BIRC6: variants seen among roughly 807,000 people sequenced by gnomAD.
BIRC6 encodes the protein dual E2 ubiquitin-conjugating enzyme/E3 ubiquitin-protein ligase BIRC6.
BIRC6 carries 98 observed loss-of-function variants against 503.3 expected under a neutral mutation model. The ratio of observed to expected loss-of-function variants is 0.19; its 90% CI spans 0.17 to 0.23. The LOEUF is 0.23. Ranked by LOEUF, BIRC6 falls within the 10% of genes least tolerant of loss-of-function variation. BIRC6 has a pLI of 1.00. For missense variants in BIRC6, 5,360 were observed against 5,806.0 expected, an observed-to-expected ratio of 0.92 and a Z score of 2.50; for synonymous variants, 2,240 against 2,078.7, an observed-to-expected ratio of 1.08 and a Z score of -2.11.
chr2:32,538,748 T>G (rs1273216518), intron 61 of BIRC6, among the ~76,000 whole-genome samples: 7 of 152,186 alleles, frequency 4.6e-5, no homozygotes, highest in Admixed American at 6.5e-5. Flanking sequence ...CTGGCCAACA[T>G]GGTGAAACCC....
At chr2:32,436,594 T>G (rs2044732260) in intron 15 of BIRC6, among the ~76,000 whole-genome samples, 1 of 152,198 alleles carries the variant, frequency 6.6e-6, no homozygotes, top group Non-Finnish European at 1.5e-5. Context: ...TTGTTTTTGT[T>G]TTTTTGAGAC....
intron 60 of BIRC6, among the ~76,000 whole-genome samples, chr2:32,530,322 T>C (rs1381361315): frequency 1.3e-5 from 2 of 152,180 alleles, no homozygotes; most frequent in Non-Finnish European, 2.9e-5. Context: ...GTGATTTTCC[T>C]GCCTCAGCCT....
chr2:32,611,108 C>CTTTTTTTTTTTTTTTTTTTTTTTTT (rs1245765148), intron 72 of BIRC6, among the ~76,000 whole-genome samples: 11 of 126,158 alleles, frequency 8.7e-5, no homozygotes, highest in Admixed American at 5.8e-4. Context: ...ATTAAATTGC[C>CTTTTTTTTTTTTTTTTTTTTTTTTT]TTTTTTTTTT....
intron 45 of BIRC6, among the ~76,000 whole-genome samples, chr2:32,496,978 T>C (rs2052556989): frequency 6.6e-6 from 1 of 152,218 alleles, no homozygotes; most frequent in Non-Finnish European, 1.5e-5. Context: ...TGAAACATTG[T>C]CTTTCATAAT....
intron 44 of BIRC6, among the ~76,000 whole-genome samples, chr2:32,492,956 C>T (rs1193498049): frequency 4.0e-5 from 6 of 150,040 alleles, no homozygotes; most frequent in African/African-American, 1.2e-4. Flanking sequence ...ACTTCTACCT[C>T]AGGTTACTTA....
intron 23 of BIRC6, among the ~76,000 whole-genome samples, chr2:32,459,143 T>C (rs2047559496): frequency 6.6e-6 from 1 of 152,214 alleles, no homozygotes; most frequent in Non-Finnish European, 1.5e-5. Context: ...TATCTAATTC[T>C]AGAACATTTC....
chr2:32,613,813 T>C (rs543911309), intron 73 of BIRC6, among the ~76,000 whole-genome samples: 129 of 152,340 alleles, frequency 8.5e-4, no homozygotes, highest in African/African-American at 3.0e-3. Context: ...TCTTAATTCT[T>C]TCAGTGTGTT....
In BIRC6 at chr2:32,529,681, C is replaced by A; in HGVS notation, c.11951C>A (p.Ala3984Asp). 1 of 1,602,676 alleles carries A rather than the reference C, an allele frequency of 6.2e-7. No individual in the cohort carries two copies. The highest frequency in any genetic ancestry group is 8.5e-7 in the Non-Finnish European group (1 of 1,175,330). Residue 3984 changes from alanine to aspartate, a missense_variant, in exon 60 of 74, where the codon GCC becomes GAC. Coordinates refer to ENST00000421745, the MANE Select transcript of BIRC6 (RefSeq NM_016252.4). ...CCATTGCCAGCTGAAATGACACTTG[C>A]CCAGCTTTTAACTCTCCTATATGAC... ...GQPLPAEMTL[A>D]QLLTLLYDRK...
At chr2:32,533,573 A>T (rs181093645) in intron 61 of BIRC6, among the ~76,000 whole-genome samples, 41 of 152,330 alleles carry the variant, frequency 2.7e-4, no homozygotes, top group Middle Eastern at 6.8e-3. Context: ...GAGGCTGGAC[A>T]ACCTTTTGCT....
chr2:32,374,689 G>A (rs1227236140), intron 1 of BIRC6, among the ~76,000 whole-genome samples: 2 of 151,862 alleles, frequency 1.3e-5, no homozygotes, highest in African/African-American at 2.4e-5. Context: ...AGCCAGGATG[G>A]TCTCGATCTC....
chr2:32,534,449 G>A (rs1236663081), intron 61 of BIRC6, among the ~76,000 whole-genome samples: 1 of 150,130 alleles, frequency 6.7e-6, no homozygotes, highest in Non-Finnish European at 1.5e-5. Context: ...GAAATCATTC[G>A]GCTTGGCGCG....
intron 17 of BIRC6, 49 bp downstream of exon 17, chr2:32,441,511 A>G: frequency 1.3e-6 from 2 of 1,531,354 alleles, no homozygotes; most frequent in East Asian, 4.5e-5. Flanking sequence ...GAAAGTGCAG[A>G]GCATAACACC....
intron 57 of BIRC6, among the ~76,000 whole-genome samples, chr2:32,520,291 C>T (rs1163548351): frequency 6.6e-6 from 1 of 152,186 alleles, no homozygotes; most frequent in Non-Finnish European, 1.5e-5. Context: ...TTCTGCTTCA[C>T]AATCGCTGTG....
intron 62 of BIRC6, 68 bp from the exon 63 acceptor site, chr2:32,545,575 C>A: frequency 7.8e-7 from 1 of 1,283,514 alleles, no homozygotes; most frequent in Non-Finnish European, 1.1e-6. Flanking sequence ...AATTTATGAC[C>A]CTGTATGTAA....
Position 32,453,996 on chromosome 2 carries a change from G to T in BIRC6, c.4753+54G>T. The T allele has an allele frequency of 3.0e-6, 4 of 1,331,584 alleles. No individual in the cohort carries two copies. The South Asian group carries it at 6.3e-5, about 21-fold the overall frequency. The allele number at this position is 1,331,584 out of a possible 1,614,324, so 82.5% of individuals were successfully genotyped here. ...ATTATATACTTTATGCAGTAATAAAGTGATATTTATATATTTAAACATTAT... is the reference window on the plus strand; with the variant it reads ...ATTATATACTTTATGCAGTAATAAATTGATATTTATATATTTAAACATTAT... On this transcript the variant is annotated intron_variant, in intron 23 of 73. Coordinates refer to ENST00000421745, the MANE Select transcript of BIRC6 (RefSeq NM_016252.4).
In BIRC6 at chr2:32,442,349, C is replaced by T; in HGVS notation, c.4132C>T (p.Leu1378Phe). 4 of 1,612,818 alleles carry T rather than the reference C, an allele frequency of 2.5e-6. No homozygotes were observed. The highest frequency in any genetic ancestry group is 3.4e-6 in the Non-Finnish European group (4 of 1,179,328). Residue 1378 changes from leucine to phenylalanine, a missense_variant, in exon 19 of 74, where the codon CTT (leucine) becomes TTT (phenylalanine). By Grantham distance (22) the Leu-to-Phe change is conservative. Around this residue, in one of 16 missense-constraint regions of BIRC6, gnomAD observed 2,299 missense variants for 2,267.2 expected, o/e 1.01. Transcript: ENST00000421745. ...GSSKEGNENLLSKTRKFLSDI... is the reference protein window; with the variant it reads ...GSSKEGNENLFSKTRKFLSDI... ...CTCAAAGGAAGGAAATGAGAACCTA[C>T]TTTCAAAAACACGAAAATTTCTGTC...
At position 32,449,554 on chromosome 2, in the gene BIRC6, T is replaced by C. The variant is rs200093263; in HGVS notation, c.4618+626T>C. Among the ~76,000 whole-genome samples, 4 of 152,346 alleles carry C rather than the reference T, an allele frequency of 2.6e-5. No individual in the cohort carries two copies. The East Asian group carries it at 5.8e-4, about 22-fold the overall frequency. On this transcript the variant is annotated intron_variant, in intron 22 of 73. Coordinates refer to ENST00000421745, the MANE Select transcript of BIRC6 (RefSeq NM_016252.4). Reference sequence around the variant, plus strand: ...TTTTTCTTCCGTCTAATTGTACTTATTGCAGATGTTGTTAGGATACAAAAA... The same window carrying C: ...TTTTTCTTCCGTCTAATTGTACTTACTGCAGATGTTGTTAGGATACAAAAA...
intron 72 of BIRC6, among the ~76,000 whole-genome samples, chr2:32,610,540 T>C (rs1405863605): frequency 6.6e-6 from 1 of 152,248 alleles, no homozygotes; most frequent in Non-Finnish European, 1.5e-5. Flanking sequence ...ATTTAGAATA[T>C]ACTTATCTAG....
intron 9 of BIRC6, among the ~76,000 whole-genome samples, chr2:32,407,807 T>C (rs2041406328): frequency 6.6e-6 from 1 of 152,098 alleles, no homozygotes; most frequent in African/African-American, 2.4e-5. Flanking sequence ...GGCAGGAAAA[T>C]GCCCTTAAAA....
Sources: allele counts gnomAD v4.1 joint callset (sites outside exome capture counted in the v4.1 genomes callset), GRCh38; gene constraint gnomAD v4.1.1; regional missense constraint gnomAD v4.1.1; transcripts MANE v1.5; gene names NCBI Gene and HGNC (gene_info 2026-07-23, HGNC 2026-07-21).